The following OSBPL6 variants were observed in gnomAD, a reference collection of about 807,000 sequenced individuals.
OSBPL6 encodes oxysterol-binding protein-related protein 6.
Under a neutral mutation model 125.8 loss-of-function variants are expected in OSBPL6, and 49 were observed. The ratio of observed to expected loss-of-function variants is 0.39; its 90% CI spans 0.31 to 0.49. The LOEUF is 0.49. Among genes scored for constraint, OSBPL6 ranks in the 20% least tolerant of loss-of-function variants. The pLI, the probability that OSBPL6 is intolerant of heterozygous loss-of-function variation, is 0.88. For synonymous variants in OSBPL6, 394 were observed against 391.8 expected, an observed-to-expected ratio of 1.01 and a Z score of -0.07; for missense variants, 986 against 1,135.4, an observed-to-expected ratio of 0.87 and a Z score of 1.89.
At chr2:178,287,380 A>G (rs1228209124) in intron 2 of OSBPL6, among the ~76,000 whole-genome samples, 1 of 151,982 alleles carries the variant, frequency 6.6e-6, no homozygotes, top group African/African-American at 2.4e-5. Flanking sequence ...AATGGGTGGG[A>G]TTTTTATTTT....
chr2:178,254,403 A>AAG (rs1292237226), intron 1 of OSBPL6, among the ~76,000 whole-genome samples: 4 of 151,894 alleles, frequency 2.6e-5, no homozygotes, highest in Non-Finnish European at 4.4e-5. Flanking sequence ...AAAAAAAAAA[A>AAG]AAAGAAAGAA....
intron 2 of OSBPL6, among the ~76,000 whole-genome samples, chr2:178,294,086 A>G (rs1340321516): frequency 1.3e-5 from 2 of 152,174 alleles, no homozygotes; most frequent in Non-Finnish European, 2.9e-5. Flanking sequence ...TATTCAAATA[A>G]TAATGAAGTA....
intron 22 of OSBPL6, among the ~76,000 whole-genome samples, chr2:178,391,571 T>G (rs931111834): frequency 6.6e-6 from 1 of 152,244 alleles, no homozygotes; most frequent in Admixed American, 6.5e-5. Context: ...ACTCATGTTA[T>G]TTATTCTCTG....
At chr2:178,393,603 C>G (rs897402065) in intron 23 of OSBPL6, among the ~76,000 whole-genome samples, 4 of 152,168 alleles carry the variant, frequency 2.6e-5, no homozygotes, top group Non-Finnish European at 5.9e-5. Flanking sequence ...ATTTGACATT[C>G]AAATTTATTA....
intron 1 of OSBPL6, among the ~76,000 whole-genome samples, chr2:178,246,478 G>A (rs774171086): frequency 3.9e-5 from 6 of 152,094 alleles, no homozygotes; most frequent in African/African-American, 1.2e-4. Flanking sequence ...TGAGAACTGA[G>A]TTACCAGGGG....
intron 19 of OSBPL6, among the ~76,000 whole-genome samples, chr2:178,386,785 G>A (rs972719251): frequency 6.6e-6 from 1 of 151,846 alleles, no homozygotes; most frequent in Non-Finnish European, 1.5e-5. Flanking sequence ...TCCCAGCTCT[G>A]TTAGTTGAAA....
At chr2:178,340,523 G>T (rs904963736) in intron 11 of OSBPL6, among the ~76,000 whole-genome samples, 1 of 152,134 alleles carries the variant, frequency 6.6e-6, no homozygotes, top group African/African-American at 2.4e-5. Context: ...TTGTGTTGCA[G>T]TGATTCAAAA....
intron 1 of OSBPL6, among the ~76,000 whole-genome samples, chr2:178,243,231 G>A (rs1436383289): frequency 6.6e-6 from 1 of 152,180 alleles, no homozygotes; most frequent in African/African-American, 2.4e-5. Context: ...CCAGAGGTTA[G>A]TGGGAAGCTG....
intron 8 of OSBPL6, among the ~76,000 whole-genome samples, chr2:178,335,920 A>G (rs1689637429): frequency 6.6e-6 from 1 of 152,236 alleles, no homozygotes; most frequent in African/African-American, 2.4e-5. Flanking sequence ...GAGTGGTCAT[A>G]AGGGTACAGA....
chr2:178,356,898 C>T (rs564476175), intron 12 of OSBPL6, among the ~76,000 whole-genome samples: 1 of 152,240 alleles, frequency 6.6e-6, no homozygotes, highest in East Asian at 1.9e-4. Context: ...GATACATAGA[C>T]CAATGGAACA....
intron 11 of OSBPL6, among the ~76,000 whole-genome samples, chr2:178,345,319 T>A (rs1690594160): frequency 1.3e-5 from 2 of 152,196 alleles, no homozygotes; most frequent in Admixed American, 1.3e-4. Context: ...TGAAAAAGTT[T>A]TGGCTGCATT....
At chr2:178,322,886 G>T in intron 3 of OSBPL6, among the ~76,000 whole-genome samples, 1 of 146,062 alleles carries the variant, frequency 6.8e-6, no homozygotes. Context: ...ATTAGCCATG[G>T]TTCTTTTTTA....
At chr2:178,289,997 G>A (rs761490419) in intron 2 of OSBPL6, among the ~76,000 whole-genome samples, 4 of 152,146 alleles carry the variant, frequency 2.6e-5, no homozygotes, top group Non-Finnish European at 4.4e-5. Context: ...TGCTGTCATT[G>A]GACCGTGTTT....
At chr2:178,325,383 A>AAAG (rs1688606870) in intron 4 of OSBPL6, among the ~76,000 whole-genome samples, 1 of 152,234 alleles carries the variant, frequency 6.6e-6, no homozygotes, top group African/African-American at 2.4e-5. Context: ...GAACCTCTTT[A>AAAG]AACTGTAAAG....
At chr2:178,244,853 G>T (rs1006063119) in intron 1 of OSBPL6, among the ~76,000 whole-genome samples, 1 of 152,132 alleles carries the variant, frequency 6.6e-6, no homozygotes, top group Admixed American at 6.5e-5. Flanking sequence ...ATAATTTCCT[G>T]CTTTGGTAAT....
At chr2:178,204,543 T>C (rs1418092121) in intron 1 of OSBPL6, among the ~76,000 whole-genome samples, 3 of 152,216 alleles carry the variant, frequency 2.0e-5, no homozygotes, top group Non-Finnish European at 4.4e-5. Context: ...TCCTTTCCTC[T>C]CTCTTGGGGA....
At chr2:178,223,388 A>G (rs2090422409) in intron 1 of OSBPL6, among the ~76,000 whole-genome samples, 1 of 152,142 alleles carries the variant, frequency 6.6e-6, no homozygotes, top group Admixed American at 6.5e-5. Flanking sequence ...TGTATTAGAG[A>G]CATGGATTTC....
At chr2:178,371,069 C>T (rs1448252922) in intron 13 of OSBPL6, among the ~76,000 whole-genome samples, 1 of 152,172 alleles carries the variant, frequency 6.6e-6, no homozygotes, top group African/African-American at 2.4e-5. Context: ...CTGAATGAAG[C>T]GGAATGCCCA....
chr2:178,237,373 A>G (rs1053714634), intron 1 of OSBPL6, among the ~76,000 whole-genome samples: 9 of 143,490 alleles, frequency 6.3e-5, no homozygotes, highest in African/African-American at 2.4e-4. Flanking sequence ...TTTTGTCTCA[A>G]ATTCTCTGCA....
Sources: gnomAD v4.1 joint callset for allele counts (sites outside exome capture counted in the v4.1 genomes callset) on GRCh38, gnomAD v4.1.1 for gene constraint, MANE v1.5 for transcripts, NCBI Gene and HGNC (gene_info 2026-07-23, HGNC 2026-07-21) for gene names.